Variants in PTPRD observed in about 807,000 individuals in gnomAD.
PTPRD encodes receptor-type tyrosine-protein phosphatase delta.
A neutral mutation model predicts 214.5 loss-of-function variants in PTPRD; 34 were observed. The observed-to-expected ratio is 0.16, with a 90% CI of 0.12 to 0.21. PTPRD has a LOEUF of 0.21. PTPRD is among the 10% of genes least tolerant of loss of function. PTPRD has a pLI of 1.00. For missense variants in PTPRD, 2,545 were observed against 2,398.7 expected, an observed-to-expected ratio of 1.06 and a Z score of -1.27; for synonymous variants, 1,128 against 845.7, an observed-to-expected ratio of 1.33 and a Z score of -5.79.
chr9:10,074,099 T>G (rs1304884400), intron 3 of PTPRD, among the ~76,000 whole-genome samples: 1 of 152,138 alleles, frequency 6.6e-6, no homozygotes, highest in African/African-American at 2.4e-5. Context: ...TGGAGGTATT[T>G]CAGATACCCA....
intron 9 of PTPRD, among the ~76,000 whole-genome samples, chr9:9,233,315 A>G (rs2099964333): frequency 1.3e-5 from 2 of 152,230 alleles, no homozygotes; most frequent in South Asian, 2.1e-4. Flanking sequence ...TATCATGAGA[A>G]CAATATGGGG....
intron 11 of PTPRD, among the ~76,000 whole-genome samples, chr9:8,992,083 T>A (rs1032099869): frequency 1.3e-5 from 2 of 152,076 alleles, no homozygotes; most frequent in African/African-American, 2.4e-5. Context: ...CCTTTAATAG[T>A]CTCCTGTTTG....
chr9:8,422,835 G>A (rs1442315907), intron 35 of PTPRD, among the ~76,000 whole-genome samples: 1 of 152,158 alleles, frequency 6.6e-6, no homozygotes, highest in Non-Finnish European at 1.5e-5. Context: ...CAGATGACAA[G>A]GAGGTCAATT....
At chr9:9,584,705 C>A (rs548107346) in intron 7 of PTPRD, among the ~76,000 whole-genome samples, 22 of 151,930 alleles carry the variant, frequency 1.4e-4, no homozygotes, top group Admixed American at 3.3e-4. Flanking sequence ...TTTCATCCCC[C>A]CTTTTCAGTC....
chr9:10,330,043 G>A (rs1394597213), intron 3 of PTPRD, among the ~76,000 whole-genome samples: 2 of 151,706 alleles, frequency 1.3e-5, no homozygotes, highest in East Asian at 3.9e-4. Flanking sequence ...CTATATTCCT[G>A]TACTTTTTTT....
At chr9:8,821,135 T>G (rs1286172884) in intron 11 of PTPRD, among the ~76,000 whole-genome samples, 1 of 152,174 alleles carries the variant, frequency 6.6e-6, no homozygotes, top group Non-Finnish European at 1.5e-5. Context: ...CCTCTGCTCC[T>G]CTTGATAGGT....
chr9:9,784,346 G>A (rs548578973), intron 5 of PTPRD, among the ~76,000 whole-genome samples: 26 of 152,042 alleles, frequency 1.7e-4, no homozygotes, highest in East Asian at 7.7e-4. Context: ...ATCTAGTGAC[G>A]TAATTTTTAT....
intron 2 of PTPRD, among the ~76,000 whole-genome samples, chr9:10,503,849 G>T (rs536626495): frequency 1.3e-5 from 2 of 151,920 alleles, no homozygotes; most frequent in South Asian, 2.1e-4. Flanking sequence ...GGGCGCGGGG[G>T]CTCACACCTG....
At chr9:9,253,560 C>T (rs143899907) in intron 9 of PTPRD, among the ~76,000 whole-genome samples, 3 of 152,018 alleles carry the variant, frequency 2.0e-5, no homozygotes, top group African/African-American at 7.2e-5. Flanking sequence ...TATCTAAACA[C>T]CTCAAATTGC....
At chr9:9,037,563 G>A (rs1029282635) in intron 10 of PTPRD, among the ~76,000 whole-genome samples, 8 of 152,064 alleles carry the variant, frequency 5.3e-5, no homozygotes, top group Admixed American at 1.3e-4. Context: ...TCTCTCAACC[G>A]CTAATTGAAC....
intron 8 of PTPRD, among the ~76,000 whole-genome samples, chr9:9,416,177 C>G (rs1388623971): frequency 6.6e-6 from 1 of 152,184 alleles, no homozygotes. Context: ...GCTGAATCAA[C>G]TTCCCAACTC....
intron 7 of PTPRD, among the ~76,000 whole-genome samples, chr9:9,578,328 A>T (rs1213746942): frequency 6.6e-6 from 1 of 152,098 alleles, no homozygotes; most frequent in Non-Finnish European, 1.5e-5. Flanking sequence ...TTCTGTAGAT[A>T]AATGCCTTTA....
At chr9:10,290,317 A>G (rs2095491164) in intron 3 of PTPRD, among the ~76,000 whole-genome samples, 1 of 152,126 alleles carries the variant, frequency 6.6e-6, no homozygotes, top group Non-Finnish European at 1.5e-5. Flanking sequence ...GTTGACAAAG[A>G]CAATCTTAAG....
At chr9:9,612,855 T>C (rs1362784792) in intron 7 of PTPRD, among the ~76,000 whole-genome samples, 2 of 152,178 alleles carry the variant, frequency 1.3e-5, no homozygotes, top group African/African-American at 4.8e-5. Context: ...ACTTCATCTA[T>C]TTTTAAGAAC....
At chr9:9,959,969 T>C (rs1230233989) in intron 4 of PTPRD, among the ~76,000 whole-genome samples, 1 of 152,168 alleles carries the variant, frequency 6.6e-6, no homozygotes, top group Non-Finnish European at 1.5e-5. Context: ...ATATATTTTT[T>C]GCTCTGTCTG....
chr9:8,727,702 C>T (rs977071246), intron 12 of PTPRD, among the ~76,000 whole-genome samples: 18 of 152,092 alleles, frequency 1.2e-4, no homozygotes, highest in African/African-American at 4.3e-4. Flanking sequence ...TGTCACACGG[C>T]TGCAGTGCAG....
chr9:9,407,939 C>A (rs949312518), intron 8 of PTPRD, among the ~76,000 whole-genome samples: 2 of 151,414 alleles, frequency 1.3e-5, no homozygotes, highest in Non-Finnish European at 3.0e-5. Flanking sequence ...TTTTAAAACC[C>A]AAATACTTGG....
chr9:10,524,912 A>G (rs78582311), intron 2 of PTPRD, among the ~76,000 whole-genome samples: 4,723 of 152,032 alleles, frequency 0.031, 207 homozygotes, highest in African/African-American at 0.1. Flanking sequence ...AAAACAAACC[A>G]AAATATGATG....
intron 9 of PTPRD, among the ~76,000 whole-genome samples, chr9:9,275,658 T>G (rs1220778944): frequency 6.6e-6 from 1 of 151,174 alleles, no homozygotes; most frequent in African/African-American, 2.4e-5. Context: ...CCCAGAATAT[T>G]GTCTTTCTAA....
Sources: allele counts gnomAD v4.1 joint callset (sites outside exome capture counted in the v4.1 genomes callset), GRCh38; gene constraint gnomAD v4.1.1; transcripts MANE v1.5; gene names NCBI Gene and HGNC (gene_info 2026-07-23, HGNC 2026-07-21).